UBE3A: variants seen among roughly 807,000 people sequenced by gnomAD.
UBE3A encodes ubiquitin protein ligase E3A.
Under a neutral mutation model 83.4 loss-of-function variants are expected in UBE3A, and 6 were observed. The ratio of observed to expected loss-of-function variants is 0.07; its 90% CI spans 0.04 to 0.14. The LOEUF is 0.14. Ranked by LOEUF, UBE3A falls within the 10% of genes least tolerant of loss-of-function variation. The pLI is 1.00. For synonymous variants in UBE3A, 337 were observed against 355.4 expected (o/e 0.95, Z 0.58); for missense variants, 456 against 1,036.1 (o/e 0.44, Z 7.69).
rs762154663 is a variant in UBE3A at position 25,371,235 on chromosome 15, T to C, written c.939A>G (p.Leu313=). The change falls in exon 6 of 13, where the codon CTA becomes CTG. Residue 313 remains leucine, a synonymous_variant. Coordinates refer to ENST00000648336, the MANE Select transcript of UBE3A (RefSeq NM_130839.5). This position sits in a 1 kb window ranked among gnomAD's most constrained non-coding sequence, Gnocchi z 5.3. ...LPLFCKAMSK[L]PLAAQGKLIR... is the part of the protein sequence containing the mutation. The stretch of plus-strand genomic sequence containing the variant: ...TCAGTTTTCCTTGGGCTGCAAGGGG[T>C]AGCTTGCTCATCGCTTTGCAAAATA... 14 of 1,614,058 alleles carry C rather than the reference T, an allele frequency of 8.7e-6. No individual in the cohort carries two copies. Among genetic ancestry groups the C allele is most frequent in the Non-Finnish European group, 1.2e-5 (14 of 1,180,038 alleles).
At chr15:25,430,025 A>C (rs868582009) in intron 1 of UBE3A, among the ~76,000 whole-genome samples, 25 of 17,906 alleles carry the variant, frequency 1.4e-3, no homozygotes, top group South Asian at 2.1e-3. Context: ...ACAAAAAAAA[A>C]CCTATATATA....
chr15:25,335,326 G>A lies in UBE3A; in HGVS notation c.*3811C>T, dbSNP rs1228066373. ...TGGGTAGGAATGCAGCGAGGAAAGT[G>A]TGTAACACAAGGCCAAATTGGAAAG... On this transcript the variant is annotated 3_prime_UTR_variant, in exon 13 of 13. Transcript: ENST00000648336. The A allele has an allele frequency of 6.6e-6, 1 of 152,378 alleles. No homozygotes were observed. Among genetic ancestry groups the A allele is most frequent in the Non-Finnish European group, 1.5e-5 (1 of 68,134 alleles). 9.4% of individuals were successfully genotyped at this position (152,378 alleles called of 1,614,324 possible).
chr15:25,353,378 C>T (rs570317415), intron 11 of UBE3A, among the ~76,000 whole-genome samples: 1 of 152,230 alleles, frequency 6.6e-6, no homozygotes, highest in Admixed American at 6.5e-5. Context: ...GGATTGGTTC[C>T]AGGACCACGT....
chr15:25,426,202 A>T (rs1203780362), intron 1 of UBE3A, among the ~76,000 whole-genome samples: 2 of 152,246 alleles, frequency 1.3e-5, no homozygotes, highest in African/African-American at 4.8e-5. Context: ...GTAGTTCTCA[A>T]CTGTCATCTA....
intron 4 of UBE3A, among the ~76,000 whole-genome samples, chr15:25,397,080 G>A (rs572391272): frequency 6.6e-6 from 1 of 152,276 alleles, no homozygotes; most frequent in South Asian, 2.1e-4. Context: ...AAAAGTAATT[G>A]AACAAACCTG....
chr15:25,430,314 T>C lies in UBE3A; in HGVS notation c.-165+8175A>G, dbSNP rs1214082167. 1.8e-4 allele frequency among the ~76,000 whole-genome samples: 19 copies of C among 102,836 alleles called. No homozygotes were observed. The East Asian group carries it at 3.8e-3, about 21-fold the overall frequency. 67.5% of individuals were successfully genotyped at this position (102,836 alleles called of 152,430 possible). A position where few individuals can be genotyped will look rare whatever the true frequency, so the allele number is the denominator to read the frequency against. On this transcript the variant is annotated intron_variant, in intron 1 of 12. Transcript: ENST00000648336. The stretch of plus-strand genomic sequence containing the variant: ...TATATATAATACATATATATAAGAT[T>C]ATATATATATTATATATATAATACA...
chr15:25,426,901 C>A (rs1891477097), intron 1 of UBE3A, among the ~76,000 whole-genome samples: 1 of 152,000 alleles, frequency 6.6e-6, no homozygotes, highest in Non-Finnish European at 1.5e-5. Flanking sequence ...TCACTGCAGC[C>A]TGGAACTCCA....
Position 25,371,834 on chromosome 15 carries a change from G to A in UBE3A, c.362-22C>T, listed in dbSNP as rs755809720. 4.4e-6 allele frequency: 7 copies of A among 1,597,086 alleles called. No individual in the cohort carries two copies. In the East Asian group the frequency reaches 1.3e-4, roughly 31 times the overall value. On this transcript the variant is annotated intron_variant, in intron 5 of 12. Transcript: ENST00000648336. This position sits in a 1 kb window ranked among gnomAD's most constrained non-coding sequence, Gnocchi z 5.3. Reference sequence around the variant, plus strand: ...ACATCTAGAAAATCAGAGGAAAAAAGAGAACATTTATTTTCATAATATGTA... The same window carrying A: ...ACATCTAGAAAATCAGAGGAAAAAAAAGAACATTTATTTTCATAATATGTA...
chr15:25,350,159 G>A (rs1452841016), intron 11 of UBE3A, among the ~76,000 whole-genome samples: 1 of 152,038 alleles, frequency 6.6e-6, no homozygotes, highest in Non-Finnish European at 1.5e-5. Context: ...TACTCAGAGG[G>A]CTGACGTAAG....
chr15:25,434,650 G>A (rs373745145), intron 1 of UBE3A, among the ~76,000 whole-genome samples: 2 of 152,152 alleles, frequency 1.3e-5, no homozygotes, highest in African/African-American at 4.8e-5. Flanking sequence ...AAAAAGGTGG[G>A]TGAGTAATCA....
chr15:25,370,333 C>T lies in UBE3A; in HGVS notation c.1608+233G>A, dbSNP rs1174058475. 1.3e-5 allele frequency among the ~76,000 whole-genome samples: 2 copies of T among 152,050 alleles called. No individual in the cohort carries two copies. Among genetic ancestry groups the T allele is most frequent in the African/African-American group, 4.8e-5 (2 of 41,406 alleles). On this transcript the variant is annotated intron_variant, in intron 6 of 12. Coordinates refer to ENST00000648336, the MANE Select transcript of UBE3A (RefSeq NM_130839.5). This position sits in a 1 kb window ranked among gnomAD's most constrained non-coding sequence, Gnocchi z 4.2. Reference sequence around the variant, plus strand: ...ATTTAGTTTTCAAGATTTAGAAAACCCATTCTTTTTCAAAGATAGCATGAC... The same window carrying T: ...ATTTAGTTTTCAAGATTTAGAAAACTCATTCTTTTTCAAAGATAGCATGAC...
intron 11 of UBE3A, chr15:25,346,193 C>T (rs543514677): frequency 1.3e-5 from 2 of 152,292 alleles, no homozygotes; most frequent in African/African-American, 2.4e-5. Flanking sequence ...CTCCAGCCCA[C>T]GAAAATCTAG....
At chr15:25,339,934 G>T in intron 12 of UBE3A, 151 bp downstream of exon 12, 2 of 1,070,244 alleles carry the variant, frequency 1.9e-6, no homozygotes, top group East Asian at 2.6e-5. Flanking sequence ...CACAATGACA[G>T]CAAAGTATTT....
At chr15:25,408,819 T>G in intron 3 of UBE3A, 1 of 853,632 alleles carries the variant, frequency 1.2e-6, no homozygotes, top group South Asian at 2.2e-5. Context: ...CTATAATGTT[T>G]ATAGTAAAAT....
Position 25,406,965 on chromosome 15 carries a change from T to C in UBE3A, c.21-1463A>G, listed in dbSNP as rs900425197. ...ACAAAATTACATAACAACTAAAAAC[T>C]GGGGCATGCTGGAGGTGGCAGTGAC... On this transcript the variant is annotated intron_variant, in intron 3 of 12. Transcript: ENST00000648336. 2.8e-5 allele frequency: 17 copies of C among 616,152 alleles called. No individual in the cohort carries two copies. The African/African-American group carries it at 3.4e-4, about 12-fold the overall frequency. The allele number at this position is 616,152 out of a possible 1,614,324, so 38.2% of individuals were successfully genotyped here.
At chr15:25,367,205 GTAAATA>G (rs1566940663) in intron 6 of UBE3A, among the ~76,000 whole-genome samples, 2 of 93,380 alleles carry the variant, frequency 2.1e-5, no homozygotes, top group Non-Finnish European at 3.8e-5. Context: ...TTACATATTT[GTAAATA>G]TGTAAATATT....
intron 6 of UBE3A, among the ~76,000 whole-genome samples, chr15:25,365,745 C>CT (rs1283460117): frequency 2.1e-5 from 2 of 94,974 alleles, no homozygotes; most frequent in African/African-American, 4.7e-5. Flanking sequence ...AAGACTCCGT[C>CT]TAAAAAAAAA....
At chr15:25,382,304 G>A (rs1479377804) in intron 4 of UBE3A, among the ~76,000 whole-genome samples, 2 of 150,684 alleles carry the variant, frequency 1.3e-5, no homozygotes, top group Non-Finnish European at 2.9e-5. Flanking sequence ...CTGGGCAAAA[G>A]AGCGAGACTC....
intron 11 of UBE3A, among the ~76,000 whole-genome samples, chr15:25,341,697 A>C (rs1595397738): frequency 6.9e-6 from 1 of 145,430 alleles, no homozygotes; most frequent in Non-Finnish European, 1.5e-5. Flanking sequence ...TGGGAGGCGG[A>C]GGCTGCAATG....
Sources: allele counts gnomAD v4.1 joint callset (sites outside exome capture counted in the v4.1 genomes callset), GRCh38; gene constraint gnomAD v4.1.1; non-coding constraint Gnocchi (gnomAD v3.1); transcripts MANE v1.5; gene names NCBI Gene and HGNC (gene_info 2026-07-23, HGNC 2026-07-21).